Variants in TPCN1 observed in about 807,000 individuals in gnomAD.
The protein encoded by TPCN1 is two pore segment channel 1, also known as two pore channel protein 1.
Under a neutral mutation model 108.8 loss-of-function variants are expected in TPCN1, and 52 were observed. That is an observed-to-expected ratio of 0.48 (90% CI 0.38 to 0.60). TPCN1 has a LOEUF of 0.60. TPCN1 is among the 20% of genes least tolerant of loss of function. TPCN1 has a pLI of 0.00. For missense variants in TPCN1, 806 were observed against 1,072.8 expected (o/e 0.75, Z 3.47); for synonymous variants, 446 against 433.7 (o/e 1.03, Z -0.35).
chr12:113,225,171 C>T (rs769323938), intron 1 of TPCN1: 15 of 436,516 alleles, frequency 3.4e-5, no homozygotes, highest in East Asian at 1.5e-4. Flanking sequence ...TCCGTCACCT[C>T]AGCCTCCCAA....
At chr12:113,238,158 C>T (rs1194299419) in intron 2 of TPCN1, among the ~76,000 whole-genome samples, 2 of 152,228 alleles carry the variant, frequency 1.3e-5, no homozygotes, top group East Asian at 3.8e-4. Flanking sequence ...AACCTATCCT[C>T]ATAGCCACAC....
intron 2 of TPCN1, among the ~76,000 whole-genome samples, chr12:113,236,518 G>C (rs942412741): frequency 1.3e-5 from 2 of 152,050 alleles, no homozygotes; most frequent in African/African-American, 4.8e-5. Flanking sequence ...CCCAGGGAGG[G>C]GAAATGGCAT....
chr12:113,291,498 CCACAAA>C (rs1166581995), intron 23 of TPCN1, 105 bp from the exon 24 acceptor site: 4 of 899,880 alleles, frequency 4.4e-6, no homozygotes, highest in Non-Finnish European at 7.0e-6. Flanking sequence ...TCACAACCAG[CCACAAA>C]TCACGGTGGG....
intron 2 of TPCN1, among the ~76,000 whole-genome samples, chr12:113,230,016 C>T (rs1953625281): frequency 6.6e-6 from 1 of 152,190 alleles, no homozygotes; most frequent in Non-Finnish European, 1.5e-5. Flanking sequence ...CATTCTTAAA[C>T]CTTTCCACCT....
intron 15 of TPCN1, among the ~76,000 whole-genome samples, chr12:113,280,508 C>A (rs1955851000): frequency 6.6e-6 from 1 of 152,140 alleles, no homozygotes; most frequent in Admixed American, 6.5e-5. Context: ...TTCCTCACCT[C>A]ATTTAGGTGA....
chr12:113,282,087 ATTTTTTT>A (rs1247829773), intron 15 of TPCN1, among the ~76,000 whole-genome samples: 9 of 92,070 alleles, frequency 9.8e-5, no homozygotes, highest in African/African-American at 1.3e-4. Flanking sequence ...CACCCGGCTA[ATTTTTTT>A]TTTTTTTTTT....
rs1484067753 is a variant in TPCN1 at position 113,273,874 on chromosome 12, C to T, written c.942+206C>T. Among the ~76,000 whole-genome samples the T allele has an allele frequency of 2.6e-5, 4 of 152,116 alleles. No individual in the cohort carries two copies. The highest frequency in any genetic ancestry group is 2.1e-4 in the South Asian group (1 of 4,824). On this transcript the variant is annotated intron_variant, in intron 10 of 27. Coordinates refer to ENST00000335509, the MANE Select transcript of TPCN1 (RefSeq NM_017901.6). The surrounding 1 kb of genome is among the most constrained non-coding windows in gnomAD (Gnocchi z 4.0). Reference sequence around the variant, plus strand: ...GAGTTCAGCCAGTTGCTGGGGGTGGCGTCCTCACCAAGGCAATGCTGCTGA... The same window carrying T: ...GAGTTCAGCCAGTTGCTGGGGGTGGTGTCCTCACCAAGGCAATGCTGCTGA...
At chr12:113,243,764 TAAATAA>T (rs769490034) in intron 2 of TPCN1, among the ~76,000 whole-genome samples, 7 of 151,914 alleles carry the variant, frequency 4.6e-5, no homozygotes, top group Admixed American at 1.3e-4. Flanking sequence ...CAAAAATAAA[TAAATAA>T]AAATAAAAAT....
chr12:113,227,843 G>T (rs956501170), intron 2 of TPCN1, among the ~76,000 whole-genome samples: 1 of 152,150 alleles, frequency 6.6e-6, no homozygotes, highest in African/African-American at 2.4e-5. Context: ...CAGTTGAGTT[G>T]CAGGGAGTTT....
Position 113,268,910 on chromosome 12 carries a change from G to C in TPCN1, c.659+38G>C. 1 of 1,611,956 alleles carries C rather than the reference G, an allele frequency of 6.2e-7. No individual in the cohort carries two copies. On this transcript the variant is annotated intron_variant, in intron 6 of 27. Transcript: ENST00000335509. The surrounding 1 kb of genome is among the most constrained non-coding windows in gnomAD (Gnocchi z 7.3). ...TGGGGAGCTGGGCAGTCACTATCCT[G>C]GCATGGCCTGACCTCTGGGCCAGTG...
intron 2 of TPCN1, among the ~76,000 whole-genome samples, chr12:113,255,075 A>G (rs181151464): frequency 6.6e-6 from 1 of 152,380 alleles, no homozygotes; most frequent in Non-Finnish European, 1.5e-5. Flanking sequence ...AACGAAAGGC[A>G]TCTGGATTAG....
chr12:113,292,548 A>G (rs1189069133), intron 25 of TPCN1: 1 of 203,662 alleles, frequency 4.9e-6, no homozygotes, highest in Admixed American at 5.4e-5. Flanking sequence ...GTGAGCCATG[A>G]TCACACCACT....
rs1955345293 is a variant in TPCN1, at chr12:113,268,147, CTAA to C, written c.528+193_528+195del. On this transcript the variant is annotated intron_variant, in intron 5 of 27. Transcript: ENST00000335509. The surrounding 1 kb of genome is among the most constrained non-coding windows in gnomAD (Gnocchi z 7.3). ...CTGGATGTCGTGATGCCAGCAGTAG[CTAA>C]TGTGATTGGGTGTTTGGTACCTGCC... 6.6e-6 allele frequency among the ~76,000 whole-genome samples: 1 copy of C among 152,200 alleles called. No homozygotes were observed. Among genetic ancestry groups the C allele is most frequent in the South Asian group, 2.1e-4 (1 of 4,830 alleles).
rs1955541833 is a variant in TPCN1 at position 113,272,665 on chromosome 12, C to T, written c.756C>T (p.Tyr252=). 1 of 1,613,850 alleles carries T rather than the reference C, an allele frequency of 6.2e-7. No homozygotes were observed. The highest frequency in any genetic ancestry group is 1.1e-5 in the South Asian group (1 of 91,084). Reference sequence around the variant, plus strand: ...GTTTCCACCCACTTCTAGGTTTCTACTTGTTCTCCCCTAACCCTTCAGACC... The same window carrying T: ...GTTTCCACCCACTTCTAGGTTTCTATTTGTTCTCCCCTAACCCTTCAGACC... ...FMIIFAILGF[Y]LFSPNPSDPY... Residue 252 remains tyrosine, a synonymous_variant, in exon 8 of 28, where the codon TAC becomes TAT. Coordinates refer to ENST00000335509, the MANE Select transcript of TPCN1 (RefSeq NM_017901.6). This position sits in a 1 kb window ranked among gnomAD's most constrained non-coding sequence, Gnocchi z 4.1.
chr12:113,244,216 A>G (rs1207517037), intron 2 of TPCN1: 1 of 706,912 alleles, frequency 1.4e-6, no homozygotes, highest in Non-Finnish European at 1.7e-6. Context: ...CTCCCTCTAG[A>G]ACAGGGCTTG....
At position 113,296,282 on chromosome 12, in the gene TPCN1, G is replaced by A; in HGVS notation, c.*206G>A. On this transcript the variant is annotated 3_prime_UTR_variant, in exon 28 of 28. Coordinates refer to ENST00000335509, the MANE Select transcript of TPCN1 (RefSeq NM_017901.6). ...CCAGAAGCCAGTTTGGTGAGGGGTG[G>A]GGGTGCGGCCACCAGGTCTGAGCTC... 2 of 735,842 alleles carry A rather than the reference G, an allele frequency of 2.7e-6. No homozygotes were observed. Among genetic ancestry groups the A allele is most frequent in the Non-Finnish European group, 4.2e-6 (2 of 475,412 alleles). 45.6% of individuals were successfully genotyped at this position (735,842 alleles called of 1,614,324 possible). A position where few individuals can be genotyped will look rare whatever the true frequency, so the allele number is the denominator to read the frequency against.
At chr12:113,233,926 C>T (rs1165109107) in intron 2 of TPCN1, among the ~76,000 whole-genome samples, 1 of 152,290 alleles carries the variant, frequency 6.6e-6, no homozygotes, top group East Asian at 1.9e-4. Flanking sequence ...GTATGCCCCC[C>T]TCCGTGAGGT....
intron 2 of TPCN1, among the ~76,000 whole-genome samples, chr12:113,248,802 CA>C (rs1351334888): frequency 2.0e-5 from 3 of 151,994 alleles, no homozygotes; most frequent in Non-Finnish European, 4.4e-5. Flanking sequence ...TTATATTAAA[CA>C]AAAAAGTTAC....
intron 22 of TPCN1, among the ~76,000 whole-genome samples, chr12:113,290,572 G>A (rs1052775504): frequency 2.6e-5 from 4 of 152,238 alleles, no homozygotes; most frequent in Non-Finnish European, 4.4e-5. Context: ...TGCTGCAGCT[G>A]CACTGCCCCC....
Sources: gnomAD v4.1 joint callset for allele counts (sites outside exome capture counted in the v4.1 genomes callset) on GRCh38, gnomAD v4.1.1 for gene constraint, Gnocchi (gnomAD v3.1) non-coding constraint, MANE v1.5 for transcripts, NCBI Gene and HGNC (gene_info 2026-07-23, HGNC 2026-07-21) for gene names.